EPB41: variants seen among roughly 807,000 people sequenced by gnomAD.
The protein encoded by EPB41 is erythrocyte membrane protein band 4.1.
A neutral mutation model predicts 108.0 loss-of-function variants in EPB41; 65 were observed. That is an observed-to-expected ratio of 0.60 (90% confidence interval 0.49 to 0.74). EPB41 has a LOEUF of 0.74. EPB41 is among the 30% of genes least tolerant of loss of function. The probability of loss-of-function intolerance (pLI) is 0.00; values close to 1 mark genes in which losing one functional copy is unlikely to be tolerated. For synonymous variants in EPB41, 336 were observed against 358.9 expected, an observed-to-expected ratio of 0.94 and a Z score of 0.72; for missense variants, 875 against 1,037.0, an observed-to-expected ratio of 0.84 and a Z score of 2.15.
At chr1:28,931,834 A>G (rs369995192) in intron 1 of EPB41, among the ~76,000 whole-genome samples, 18 of 152,030 alleles carry the variant, frequency 1.2e-4, no homozygotes, top group African/African-American at 4.3e-4. Flanking sequence ...GCGCCCGACC[A>G]ATGACTTTGT....
chr1:28,913,713 A>G (rs987726626), upstream of EPB41, among the ~76,000 whole-genome samples: 4 of 152,162 alleles, frequency 2.6e-5, no homozygotes, highest in African/African-American at 7.2e-5. Flanking sequence ...ATCATGCTTA[A>G]AACAAAAGCC....
intron 19 of EPB41, among the ~76,000 whole-genome samples, chr1:29,114,706 C>T (rs1414558022): frequency 1.3e-5 from 2 of 149,328 alleles, no homozygotes; most frequent in East Asian, 2.0e-4. Context: ...AAGCTCTTTA[C>T]TGAAATTCAG....
At chr1:28,962,770 C>A (rs926719828) in intron 1 of EPB41, among the ~76,000 whole-genome samples, 2 of 152,190 alleles carry the variant, frequency 1.3e-5, no homozygotes, top group African/African-American at 4.8e-5. Context: ...CATTGCCCCT[C>A]AGTTTAGGTC....
intron 1 of EPB41, among the ~76,000 whole-genome samples, chr1:28,963,435 A>C (rs1381166512): frequency 6.6e-6 from 1 of 151,918 alleles, no homozygotes; most frequent in Non-Finnish European, 1.5e-5. Flanking sequence ...TAAATCTGAA[A>C]GAATCATTTC....
chr1:28,918,287 C>T (rs928552942), intron 1 of EPB41, among the ~76,000 whole-genome samples: 4 of 151,898 alleles, frequency 2.6e-5, no homozygotes, highest in East Asian at 1.9e-4. Context: ...CTCTTGACCT[C>T]GTGATCTGCC....
At chr1:29,108,888 GAAA>G (rs35276284) in intron 17 of EPB41, among the ~76,000 whole-genome samples, 9 of 132,230 alleles carry the variant, frequency 6.8e-5, no homozygotes, top group Admixed American at 1.5e-4. Context: ...AGGTTACCCT[GAAA>G]AAAAAAAAAA....
intron 1 of EPB41, among the ~76,000 whole-genome samples, chr1:28,900,475 A>G (rs1312301288): frequency 6.6e-6 from 1 of 151,802 alleles, no homozygotes; most frequent in Non-Finnish European, 1.5e-5. Context: ...TTTAGTAGAG[A>G]TGGGGTTTCA....
chr1:28,990,955 AAAAG>A (rs1403137564), intron 2 of EPB41, among the ~76,000 whole-genome samples: 5 of 152,154 alleles, frequency 3.3e-5, no homozygotes, highest in Non-Finnish European at 5.9e-5. Context: ...CATGTGGAGA[AAAAG>A]AAACGATATT....
At chr1:29,042,000 G>C (rs750224471) in intron 11 of EPB41, among the ~76,000 whole-genome samples, 1 of 152,136 alleles carries the variant, frequency 6.6e-6, no homozygotes, top group African/African-American at 2.4e-5. Flanking sequence ...CTGTTTTTCT[G>C]GCTGTAACAT....
intron 11 of EPB41, among the ~76,000 whole-genome samples, chr1:29,042,488 G>GTT (rs539718247): frequency 6.6e-6 from 1 of 150,818 alleles, no homozygotes; most frequent in Non-Finnish European, 1.5e-5. Flanking sequence ...GTTTTGTTTT[G>GTT]TTTTTTTTGA....
Position 29,070,374 on chromosome 1 carries a change from G to A in EPB41, c.2184+5216G>A, listed in dbSNP as rs1650753161. 14 of 1,231,906 alleles carry A rather than the reference G, an allele frequency of 1.1e-5. No individual in the cohort carries two copies. In the South Asian group the frequency reaches 1.2e-4, roughly 11 times the overall value. The allele number at this position is 1,231,906 out of a possible 1,614,324, so 76.3% of individuals were successfully genotyped here. ...CTACTGTGAAAGCAGACACAGGAAC[G>A]TGCTCTGTTAGTACAGGATGAAGAG... On this transcript the variant is annotated intron_variant, in intron 16 of 20. Transcript: ENST00000343067.
intron 9 of EPB41, among the ~76,000 whole-genome samples, chr1:29,034,124 G>A (rs1478829170): frequency 6.6e-6 from 1 of 152,164 alleles, no homozygotes; most frequent in Non-Finnish European, 1.5e-5. Flanking sequence ...GATTACCATA[G>A]AAGCATTTAT....
chr1:29,096,182 G>A, intron 16 of EPB41: 1 of 985,858 alleles, frequency 1.0e-6, no homozygotes, highest in Non-Finnish European at 1.2e-6. Context: ...CACAGAGGAG[G>A]TGGCTGTCGT....
At chr1:28,982,626 T>G in intron 1 of EPB41, 1 of 1,122,092 alleles carries the variant, frequency 8.9e-7, no homozygotes, top group African/African-American at 1.5e-5. Context: ...CAGCAACCAC[T>G]CGGGCCTACA....
Position 29,035,942 on chromosome 1 carries a change from T to C in EPB41, c.1463+19T>C. On this transcript the variant is annotated intron_variant, in intron 10 of 20. Coordinates refer to ENST00000343067, the MANE Select transcript of EPB41 (RefSeq NM_001376013.1). ...TTTTCAGGTATTATTCTCACTTAAG[T>C]ATTTTTCAAGGATAAATTATTTATA... 2 of 1,553,752 alleles carry C rather than the reference T, an allele frequency of 1.3e-6. No individual in the cohort carries two copies. Among genetic ancestry groups the C allele is most frequent in the Non-Finnish European group, 8.9e-7 (1 of 1,125,242 alleles).
intron 1 of EPB41, among the ~76,000 whole-genome samples, chr1:28,925,655 A>G (rs2093405673): frequency 6.6e-6 from 1 of 152,144 alleles, no homozygotes; most frequent in Admixed American, 6.6e-5. Context: ...AAGGAACAAA[A>G]TGCACAAAAG....
chr1:28,897,414 G>A (rs549996883), intron 1 of EPB41, among the ~76,000 whole-genome samples: 14 of 151,902 alleles, frequency 9.2e-5, no homozygotes, highest in African/African-American at 3.4e-4. Flanking sequence ...GCTGGGCGTT[G>A]TGCATGTGCC....
chr1:29,062,031 TG>T (rs1423531708), intron 15 of EPB41, among the ~76,000 whole-genome samples: 2 of 152,246 alleles, frequency 1.3e-5, no homozygotes, highest in Non-Finnish European at 2.9e-5. Context: ...TCATTAAACA[TG>T]TATTGCGTGG....
At chr1:29,092,913 A>G (rs1213037328) in intron 16 of EPB41, among the ~76,000 whole-genome samples, 1 of 152,188 alleles carries the variant, frequency 6.6e-6, no homozygotes, top group Admixed American at 6.5e-5. Flanking sequence ...ATAGTATTCC[A>G]TGGTATATAT....
Sources: gnomAD v4.1 joint callset for allele counts (sites outside exome capture counted in the v4.1 genomes callset) on GRCh38, gnomAD v4.1.1 for gene constraint, MANE v1.5 for transcripts, NCBI Gene and HGNC (gene_info 2026-07-23, HGNC 2026-07-21) for gene names.